Variants in SNTB2 observed in about 807,000 individuals in gnomAD.
SNTB2 encodes the protein syntrophin beta 2.
SNTB2 carries 34 observed loss-of-function variants against 46.2 expected under a neutral mutation model. That is an observed-to-expected ratio of 0.74 (90% confidence interval 0.56 to 0.98). SNTB2 has a LOEUF of 0.98. SNTB2 is among the 50% of genes least tolerant of loss of function. The pLI, the probability that SNTB2 is intolerant of heterozygous loss-of-function variation, is 0.00. For missense variants in SNTB2, 603 were observed against 731.4 expected (o/e 0.82, Z 2.02); for synonymous variants, 290 against 312.6 (o/e 0.93, Z 0.76).
intron 1 of SNTB2, among the ~76,000 whole-genome samples, chr16:69,194,128 G>T (rs944922447): frequency 2.0e-5 from 3 of 152,148 alleles, no homozygotes; most frequent in African/African-American, 4.8e-5. Context: ...AGTGCCATAT[G>T]TGGAAGGATT....
chr16:69,308,156 C>T lies in SNTB2; in HGVS notation c.*7232C>T, dbSNP rs964063461. On this transcript the variant is annotated 3_prime_UTR_variant, in exon 7 of 7. Transcript: ENST00000336278. ...TCAGTGTCTTGTTCTTTAAACCTAC[C>T]CTTTGACAATCAGGTGCTAATGATT... The T allele has an allele frequency of 2.6e-4, 40 of 152,562 alleles. No individual in the cohort carries two copies. Among genetic ancestry groups the T allele is most frequent in the African/African-American group, 9.4e-4 (39 of 41,422 alleles). The allele number at this position is 152,562 out of a possible 1,614,324, so 9.5% of individuals were successfully genotyped here.
rs139880703 is a variant in SNTB2 at position 69,217,284 on chromosome 16, G to A, written c.581-28318G>A. Reference sequence around the variant, plus strand: ...AGCCCAGGAGTTCGTGACCAGCCTGGGCAACATGGTGAAACCCTGTCTCTA... The same window carrying A: ...AGCCCAGGAGTTCGTGACCAGCCTGAGCAACATGGTGAAACCCTGTCTCTA... On this transcript the variant is annotated intron_variant, in intron 1 of 6. Transcript: ENST00000336278. Among the ~76,000 whole-genome samples the A allele has an allele frequency of 1.1e-4, 17 of 152,134 alleles. No homozygotes were observed. In the East Asian group the frequency reaches 3.1e-3, roughly 28 times the overall value.
intron 5 of SNTB2, among the ~76,000 whole-genome samples, chr16:69,297,966 C>T (rs1409502225): frequency 2.0e-5 from 3 of 152,050 alleles, no homozygotes; most frequent in African/African-American, 7.2e-5. Context: ...ATTGTTTAGA[C>T]ATTGCTCTGT....
At chr16:69,225,968 A>G (rs931688624) in intron 1 of SNTB2, among the ~76,000 whole-genome samples, 4 of 152,082 alleles carry the variant, frequency 2.6e-5, no homozygotes, top group Admixed American at 2.6e-4. Flanking sequence ...GGGTTTCACC[A>G]TGTTGGCTAG....
chr16:69,209,276 A>G (rs548266228), intron 1 of SNTB2, among the ~76,000 whole-genome samples: 1 of 152,106 alleles, frequency 6.6e-6, no homozygotes, highest in African/African-American at 2.4e-5. Flanking sequence ...AATGTTTTAT[A>G]TCAACTTTTA....
intron 1 of SNTB2, among the ~76,000 whole-genome samples, chr16:69,205,419 C>G (rs1964207111): frequency 6.6e-6 from 1 of 150,664 alleles, no homozygotes; most frequent in Non-Finnish European, 1.5e-5. Context: ...AGGCTGGTCT[C>G]AAACTCTTGA....
intron 1 of SNTB2, among the ~76,000 whole-genome samples, chr16:69,220,113 T>C (rs935693017): frequency 6.6e-6 from 1 of 151,528 alleles, no homozygotes; most frequent in Non-Finnish European, 1.5e-5. Flanking sequence ...TGGTTTTATG[T>C]AAGTATTTAG....
At chr16:69,278,896 G>GGGTTGGTTAT in intron 4 of SNTB2, among the ~76,000 whole-genome samples, 1 of 121,142 alleles carries the variant, frequency 8.3e-6, no homozygotes, top group South Asian at 2.5e-4. Context: ...AAGAGTGTGT[G>GGGTTGGTTAT]TGTGTGTGTG....
At chr16:69,228,530 A>G (rs1374843281) in intron 1 of SNTB2, among the ~76,000 whole-genome samples, 1 of 150,948 alleles carries the variant, frequency 6.6e-6, no homozygotes, top group African/African-American at 2.4e-5. Flanking sequence ...AAAAAAAAGA[A>G]TTTCATAAAT....
At chr16:69,201,004 C>G (rs1354387218) in intron 1 of SNTB2, among the ~76,000 whole-genome samples, 4 of 152,298 alleles carry the variant, frequency 2.6e-5, no homozygotes, top group Non-Finnish European at 5.9e-5. Context: ...TTATATGTCA[C>G]TGAAAACTCA....
chr16:69,266,923 C>G (rs946636249), intron 3 of SNTB2, among the ~76,000 whole-genome samples: 1 of 151,950 alleles, frequency 6.6e-6, no homozygotes, highest in Non-Finnish European at 1.5e-5. Context: ...TAGCATGTTG[C>G]CCAGGCTCAA....
intron 4 of SNTB2, among the ~76,000 whole-genome samples, chr16:69,273,641 A>C (rs1410060238): frequency 1.3e-5 from 2 of 152,186 alleles, no homozygotes; most frequent in African/African-American, 4.8e-5. Flanking sequence ...TGATGGTTGC[A>C]AAATTCTGAA....
chr16:69,214,625 C>T (rs1858572509), intron 1 of SNTB2, among the ~76,000 whole-genome samples: 2 of 150,436 alleles, frequency 1.3e-5, no homozygotes, highest in African/African-American at 2.4e-5. Context: ...CTCCCGGGTT[C>T]AAGTGATTCT....
chr16:69,269,377 C>T (rs1214918197), intron 3 of SNTB2, among the ~76,000 whole-genome samples: 6 of 146,140 alleles, frequency 4.1e-5, no homozygotes, highest in African/African-American at 7.6e-5. Flanking sequence ...GTTAGCTGGG[C>T]GTGGTGGCGT....
rs571803277 is a variant in SNTB2, at chr16:69,253,336, A to C, written c.795-6714A>C. The stretch of plus-strand genomic sequence containing the variant: ...CAATCCCTTTTCAAGAAAAATCGCA[A>C]AATTTTTCTTTTCATAAAAAACTGG... On this transcript the variant is annotated intron_variant, in intron 2 of 6. Coordinates refer to ENST00000336278, the MANE Select transcript of SNTB2 (RefSeq NM_006750.4). 7.2e-5 allele frequency among the ~76,000 whole-genome samples: 11 copies of C among 151,986 alleles called. No homozygotes were observed. The East Asian group carries it at 2.1e-3, about 29-fold the overall frequency.
chr16:69,190,791 C>A (rs576595243), intron 1 of SNTB2, among the ~76,000 whole-genome samples: 11 of 152,248 alleles, frequency 7.2e-5, no homozygotes, highest in South Asian at 2.1e-4. Context: ...TGGTTTGTAA[C>A]CCCTAGGCAA....
intron 1 of SNTB2, among the ~76,000 whole-genome samples, chr16:69,198,761 G>T (rs898717406): frequency 6.6e-6 from 1 of 151,898 alleles, no homozygotes; most frequent in Non-Finnish European, 1.5e-5. Context: ...TAAGCAGTAT[G>T]TTTCTTACCT....
At position 69,305,131 on chromosome 16, in the gene SNTB2, T is replaced by C. The variant is rs996529367; in HGVS notation, c.*4207T>C. The C allele has an allele frequency of 6.6e-6, 1 of 152,568 alleles. No individual in the cohort carries two copies. Among genetic ancestry groups the C allele is most frequent in the African/African-American group, 2.4e-5 (1 of 41,464 alleles). 9.5% of individuals were successfully genotyped at this position (152,568 alleles called of 1,614,324 possible). ...ATTTTGTGAGAAATTCCAGGTCTTCTTGCTTAACTTATATGCATGTGGATA... is the reference window on the plus strand; with the variant it reads ...ATTTTGTGAGAAATTCCAGGTCTTCCTGCTTAACTTATATGCATGTGGATA... On this transcript the variant is annotated 3_prime_UTR_variant, in exon 7 of 7. Coordinates refer to ENST00000336278, the MANE Select transcript of SNTB2 (RefSeq NM_006750.4).
chr16:69,247,240 T>A (rs2143047283), intron 2 of SNTB2, among the ~76,000 whole-genome samples: 1 of 152,154 alleles, frequency 6.6e-6, no homozygotes, highest in African/African-American at 2.4e-5. Flanking sequence ...GTTTCCTCAT[T>A]TGCAAAATGA....
Sources: allele counts gnomAD v4.1 joint callset (sites outside exome capture counted in the v4.1 genomes callset), GRCh38; gene constraint gnomAD v4.1.1; transcripts MANE v1.5; gene names NCBI Gene and HGNC (gene_info 2026-07-23, HGNC 2026-07-21).